Variants in RAE1 observed in about 807,000 individuals in gnomAD.
The protein encoded by RAE1 is mRNA export factor RAE1.
RAE1 carries 13 observed loss-of-function variants against 52.7 expected under a neutral mutation model. The observed-to-expected ratio is 0.25, with a 90% CI of 0.16 to 0.39. The LOEUF (loss-of-function observed/expected upper bound fraction) is 0.39, where lower values mean the gene tolerates loss of function less well. RAE1 is among the 10% of genes least tolerant of loss of function. RAE1 has a pLI of 1.00. For missense variants in RAE1, 262 were observed against 459.8 expected, an observed-to-expected ratio of 0.57 and a Z score of 3.93; for synonymous variants, 164 against 153.1, an observed-to-expected ratio of 1.07 and a Z score of -0.52.
intron 4 of RAE1, among the ~76,000 whole-genome samples, chr20:57,360,645 A>T (rs1398356736): frequency 3.3e-5 from 5 of 152,204 alleles, no homozygotes; most frequent in Non-Finnish European, 7.3e-5. Context: ...CTTTCGTAGT[A>T]TGTTTTATTT....
At chr20:57,368,957 TAGTG>T (rs2066996409) in intron 8 of RAE1, 145 bp downstream of exon 8, 1 of 658,450 alleles carries the variant, frequency 1.5e-6, no homozygotes, top group South Asian at 1.9e-5. Flanking sequence ...CACAAATACT[TAGTG>T]AGTGAATATT....
chr20:57,361,190 G>T (rs368213267), intron 4 of RAE1, among the ~76,000 whole-genome samples: 7 of 152,236 alleles, frequency 4.6e-5, no homozygotes, highest in East Asian at 3.9e-4. Context: ...GGCTGAGAGG[G>T]TTATTCATAA....
At chr20:57,369,129 A>G (rs1213973842) in intron 8 of RAE1, among the ~76,000 whole-genome samples, 2 of 152,242 alleles carry the variant, frequency 1.3e-5, no homozygotes, top group Non-Finnish European at 2.9e-5. Context: ...AGACAGATTA[A>G]TAGGAGAAAT....
In RAE1 at chr20:57,378,075, G is replaced by A. The variant is rs773700211; in HGVS notation, c.1083G>A (p.Glu361=). The A allele has an allele frequency of 3.2e-5, 52 of 1,612,422 alleles. No individual in the cohort carries two copies. The Admixed American group carries it at 7.2e-4, about 22-fold the overall frequency. Residue 361 remains glutamate, a synonymous_variant, in exon 12 of 12, where the codon GAG becomes GAA. Coordinates refer to ENST00000395841, the MANE Select transcript of RAE1 (RefSeq NM_003610.4). ...NYIFLRNAAE[E]LKPRNKK ...TTTTCCTGCGTAATGCAGCCGAAGAGCTAAAGCCCAGGAATAAGAAGTAGT... is the reference window on the plus strand; with the variant it reads ...TTTTCCTGCGTAATGCAGCCGAAGAACTAAAGCCCAGGAATAAGAAGTAGT...
At chr20:57,355,134 T>C (rs78579426) in intron 3 of RAE1, among the ~76,000 whole-genome samples, 6,055 of 152,286 alleles carry the variant, frequency 0.04, 180 homozygotes, top group African/African-American at 0.089. Context: ...ACAAATTCCC[T>C]TTCTTGGCAT....
chr20:57,356,045 T>G (rs1268542965), intron 3 of RAE1, among the ~76,000 whole-genome samples: 1 of 152,210 alleles, frequency 6.6e-6, no homozygotes, highest in Non-Finnish European at 1.5e-5. Context: ...ATTTTTATTT[T>G]TTTGCCATAT....
chr20:57,367,153 T>G, intron 7 of RAE1, 74 bp downstream of exon 7: 2 of 1,268,030 alleles, frequency 1.6e-6, no homozygotes, highest in Non-Finnish European at 2.2e-6. Flanking sequence ...TGTGGCGTCC[T>G]GCAGTTAGTG....
chr20:57,359,084 G>A (rs2066848532), intron 4 of RAE1: 7 of 1,383,322 alleles, frequency 5.1e-6, no homozygotes, highest in East Asian at 2.6e-5. Context: ...TGCTACCTTC[G>A]CACGGTCAGG....
chr20:57,367,760 AAAG>A (rs1568788934), intron 7 of RAE1, among the ~76,000 whole-genome samples: 1 of 150,652 alleles, frequency 6.6e-6, no homozygotes, highest in Non-Finnish European at 1.5e-5. Flanking sequence ...AAAAAAAAGG[AAAG>A]AAAAAGAAAT....
intron 10 of RAE1, 86 bp downstream of exon 10, chr20:57,373,824 T>G (rs892272339): frequency 2.9e-6 from 4 of 1,362,162 alleles, no homozygotes; most frequent in Admixed American, 3.5e-5. Flanking sequence ...CAGAAAAGAC[T>G]CATCACTGAA....
chr20:57,351,793 C>T (rs2066713496), intron 1 of RAE1: 2 of 985,394 alleles, frequency 2.0e-6, no homozygotes, highest in Non-Finnish European at 1.2e-6. Flanking sequence ...GCCTCTTCCA[C>T]GTCAACCTGC....
intron 4 of RAE1, among the ~76,000 whole-genome samples, chr20:57,360,567 C>T (rs1375053262): frequency 6.6e-6 from 1 of 152,188 alleles, no homozygotes; most frequent in Non-Finnish European, 1.5e-5. Flanking sequence ...GGGTTTAGGG[C>T]TAAGCATAGA....
chr20:57,367,180 A>G (rs1205126321), intron 7 of RAE1, 101 bp downstream of exon 7: 1 of 1,045,838 alleles, frequency 9.6e-7, no homozygotes. Flanking sequence ...TAATATAAAA[A>G]TCCTGCTAGC....
At chr20:57,358,896 G>T in intron 4 of RAE1, 2 of 1,266,220 alleles carry the variant, frequency 1.6e-6, no homozygotes, top group Non-Finnish European at 2.0e-6. Context: ...GCTAGGGCCT[G>T]TAGGCTTGTT....
intron 11 of RAE1, chr20:57,375,020 G>A (rs1051671100): frequency 5.6e-5 from 40 of 712,404 alleles, no homozygotes; most frequent in Non-Finnish European, 9.4e-5. Context: ...GGAAGTGCTC[G>A]GCCAGTGTGA....
At chr20:57,360,452 A>G (rs1192765410) in intron 4 of RAE1, among the ~76,000 whole-genome samples, 1 of 152,206 alleles carries the variant, frequency 6.6e-6, no homozygotes, top group Non-Finnish European at 1.5e-5. Context: ...TTTATTGATT[A>G]TAGAACAGGC....
chr20:57,366,696 G>A lies in RAE1; in HGVS notation c.376-111G>A, dbSNP rs2066959212. On this transcript the variant is annotated intron_variant, in intron 5 of 11. Transcript: ENST00000395841. ...CTAAGTATGTTTTGGTTTTTGTTTG[G>A]TATGGCCCCAGTATTTAAATTAGTT... The A allele has an allele frequency of 4.7e-6, 5 of 1,063,056 alleles. No individual in the cohort carries two copies. The South Asian group carries it at 6.7e-5, about 14-fold the overall frequency. The allele number at this position is 1,063,056 out of a possible 1,614,324, so 65.9% of individuals were successfully genotyped here.
At chr20:57,354,612 C>T in intron 2 of RAE1, 100 bp from the exon 3 acceptor site, 1 of 777,790 alleles carries the variant, frequency 1.3e-6, no homozygotes, top group Non-Finnish European at 2.0e-6. Flanking sequence ...AGTTCTTGTA[C>T]ACAAGGAAAG....
intron 4 of RAE1, among the ~76,000 whole-genome samples, chr20:57,357,139 G>A (rs1175952433): frequency 6.6e-6 from 1 of 152,168 alleles, no homozygotes; most frequent in East Asian, 1.9e-4. Context: ...AGTCTGATTT[G>A]CCTGCTGTAA....
Sources: gnomAD v4.1 joint callset for allele counts (sites outside exome capture counted in the v4.1 genomes callset) on GRCh38, gnomAD v4.1.1 for gene constraint, MANE v1.5 for transcripts, NCBI Gene and HGNC (gene_info 2026-07-23, HGNC 2026-07-21) for gene names.